Variants in RNF141 observed in about 807,000 individuals in gnomAD.
The protein encoded by RNF141 is C3HC4-like zinc finger protein.
RNF141 carries 18 observed loss-of-function variants against 27.4 expected under a neutral mutation model. That is an observed-to-expected ratio of 0.66 (90% confidence interval 0.45 to 0.97). RNF141 has a LOEUF of 0.97. RNF141 is among the 50% of genes least tolerant of loss of function. The probability of loss-of-function intolerance (pLI) is 0.00; values close to 1 mark genes in which losing one functional copy is unlikely to be tolerated. For missense variants in RNF141, 230 were observed against 279.4 expected (o/e 0.82, Z 1.26); for synonymous variants, 97 against 96.6 (o/e 1.00, Z -0.02).
intron 4 of RNF141, among the ~76,000 whole-genome samples, chr11:10,523,305 C>T (rs10743143): frequency 0.99 from 151,510 of 152,350 alleles, 75,340 homozygotes; most frequent in Middle Eastern, 1. Context: ...TAGAGCACAG[C>T]TGTACTGCCA....
chr11:10,520,060 G>A (rs1276499950), intron 4 of RNF141, among the ~76,000 whole-genome samples: 1 of 152,204 alleles, frequency 6.6e-6, no homozygotes, highest in African/African-American at 2.4e-5. Context: ...TGGGCTGCAT[G>A]CAGCCCGTGG....
rs1483906340 is a variant in RNF141 at position 10,513,140 on chromosome 11, C to G, written c.*1776G>C. The G allele has an allele frequency of 6.6e-6, 1 of 152,218 alleles. No homozygotes were observed. Among genetic ancestry groups the G allele is most frequent in the Non-Finnish European group, 1.5e-5 (1 of 68,040 alleles). The allele number at this position is 152,218 out of a possible 1,614,324, so 9.4% of individuals were successfully genotyped here. A position where few individuals can be genotyped will look rare whatever the true frequency, so the allele number is the denominator to read the frequency against. On this transcript the variant is annotated 3_prime_UTR_variant, in exon 6 of 6. Transcript: ENST00000265981. ...TTGATATGATGGAACCCCTGGTACT[C>G]TGCTTGCATAAACCTCCATAGGGAG...
At chr11:10,540,489 CTTA>C (rs1430535239) in intron 1 of RNF141, among the ~76,000 whole-genome samples, 2 of 152,164 alleles carry the variant, frequency 1.3e-5, no homozygotes, top group African/African-American at 4.8e-5. Context: ...TCACTACCTT[CTTA>C]TTATTAGCAA....
chr11:10,527,424 C>T, intron 3 of RNF141, among the ~76,000 whole-genome samples: 1 of 149,054 alleles, frequency 6.7e-6, no homozygotes, highest in East Asian at 1.9e-4. Context: ...GGGGGAAGAT[C>T]ATTCCAGGCT....
At chr11:10,526,600 G>A (rs1008173657) in intron 3 of RNF141, among the ~76,000 whole-genome samples, 34 of 151,928 alleles carry the variant, frequency 2.2e-4, no homozygotes, top group African/African-American at 7.5e-4. Context: ...TGGCTAACAC[G>A]GTGAAACCCC....
At chr11:10,515,866 C>T (rs1185822703) in intron 5 of RNF141, 1 of 152,084 alleles carries the variant, frequency 6.6e-6, no homozygotes, top group East Asian at 1.9e-4. Flanking sequence ...TTTACATGCA[C>T]AGTAATTTTT....
intron 2 of RNF141, among the ~76,000 whole-genome samples, chr11:10,530,968 C>A (rs1849980446): frequency 1.3e-5 from 2 of 152,074 alleles, no homozygotes; most frequent in African/African-American, 2.4e-5. Context: ...TTTTTAAAGT[C>A]AACAGCTTGG....
At chr11:10,528,694 C>T (rs1849960411) in intron 3 of RNF141, among the ~76,000 whole-genome samples, 1 of 152,088 alleles carries the variant, frequency 6.6e-6, no homozygotes, top group South Asian at 2.1e-4. Context: ...TGTCAATAAA[C>T]AAGGAAAGCT....
chr11:10,521,362 CAAT>C (rs1164108424), intron 4 of RNF141, among the ~76,000 whole-genome samples: 1 of 152,208 alleles, frequency 6.6e-6, no homozygotes, highest in Non-Finnish European at 1.5e-5. Flanking sequence ...CTTAGATTCT[CAAT>C]AAATGCTTCT....
intron 1 of RNF141, among the ~76,000 whole-genome samples, chr11:10,537,628 T>C (rs932741057): frequency 5.3e-5 from 8 of 152,140 alleles, no homozygotes; most frequent in African/African-American, 1.9e-4. Context: ...TATTTAGTAA[T>C]TTTTATACAT....
At chr11:10,519,878 G>A (rs1004502571) in intron 4 of RNF141, among the ~76,000 whole-genome samples, 5 of 152,178 alleles carry the variant, frequency 3.3e-5, no homozygotes, top group Admixed American at 2.0e-4. Context: ...GCCTAGGACA[G>A]GAGTGTACAA....
At chr11:10,524,370 G>A (rs1241478553) in intron 4 of RNF141, among the ~76,000 whole-genome samples, 1 of 151,998 alleles carries the variant, frequency 6.6e-6, no homozygotes, top group East Asian at 1.9e-4. Context: ...AGCCGAGATC[G>A]CGCCTGGGCG....
At chr11:10,537,185 G>A (rs1473610676) in intron 1 of RNF141, among the ~76,000 whole-genome samples, 1 of 152,174 alleles carries the variant, frequency 6.6e-6, no homozygotes, top group African/African-American at 2.4e-5. Flanking sequence ...AGTGGAAATG[G>A]CTGCTACATG....
rs1228441829 is a variant in RNF141, at chr11:10,534,135, C to G, written c.24G>C (p.Gln8His). 1 of 1,613,376 alleles carries G rather than the reference C, an allele frequency of 6.2e-7. No homozygotes were observed. Among genetic ancestry groups the G allele is most frequent in the East Asian group, 2.2e-5 (1 of 44,836 alleles). The change falls in exon 2 of 6, where the codon CAG (glutamine) becomes CAC (histidine). Residue 8 changes from glutamine to histidine, a missense_variant. Gln to His is a conservative substitution (Grantham distance 24). Transcript: ENST00000265981. Reference sequence around the variant, plus strand: ...GTAACTTGTTAATAACCAACTGTGTCTGATCCGAAATTTGCTGTCCCATGA... The same window carrying G: ...GTAACTTGTTAATAACCAACTGTGTGTGATCCGAAATTTGCTGTCCCATGA... MGQQISD[Q>H]TQLVINKLPE... is the part of the protein sequence containing the mutation.
At chr11:10,533,973 TACA>T in intron 2 of RNF141, 40 bp downstream of exon 2, 4 of 1,591,798 alleles carry the variant, frequency 2.5e-6, no homozygotes, top group Non-Finnish European at 3.4e-6. Context: ...GGGGCATACA[TACA>T]ACAAGGGGAA....
rs1564868749 is a variant in RNF141 at position 10,532,532 on chromosome 11, CACACA to C, written c.143+1479_143+1483del. 3.3e-3 allele frequency among the ~76,000 whole-genome samples: 434 copies of C among 131,178 alleles called. 2 individuals are homozygous for C. Among genetic ancestry groups the C allele is most frequent in the South Asian group, 0.013 (54 of 4,108 alleles). The allele number at this position is 131,178 out of a possible 152,430, so 86.1% of individuals were successfully genotyped here. ...ACACACACACACACACACACACACA[CACACA>C]CCCCACAACTATATACAGCTTTTTG... On this transcript the variant is annotated intron_variant, in intron 2 of 5. Coordinates refer to ENST00000265981, the MANE Select transcript of RNF141 (RefSeq NM_016422.4).
In RNF141 at chr11:10,513,252, CT is replaced by C. The variant is rs1252218568; in HGVS notation, c.*1663del. 6.6e-6 allele frequency: 1 copy of C among 152,222 alleles called. No individual in the cohort carries two copies. The highest frequency in any genetic ancestry group is 2.4e-5 in the African/African-American group (1 of 41,456). 9.4% of individuals were successfully genotyped at this position (152,222 alleles called of 1,614,324 possible). Reference sequence around the variant, plus strand: ...TTTTGGGGGCGAAATCAAGCTACCCCTGGCCAGATGTTTTTCCTTGAAATTG... The same window carrying C: ...TTTTGGGGGCGAAATCAAGCTACCCCGGCCAGATGTTTTTCCTTGAAATTG... On this transcript the variant is annotated 3_prime_UTR_variant, in exon 6 of 6. Coordinates refer to ENST00000265981, the MANE Select transcript of RNF141 (RefSeq NM_016422.4).
Position 10,512,224 on chromosome 11 carries a change from C to T in RNF141, c.*2692G>A, listed in dbSNP as rs1367783186. 2 of 152,232 alleles carry T rather than the reference C, an allele frequency of 1.3e-5. No homozygotes were observed. The highest frequency in any genetic ancestry group is 2.9e-5 in the Non-Finnish European group (2 of 67,966). 9.4% of individuals were successfully genotyped at this position (152,232 alleles called of 1,614,324 possible). On this transcript the variant is annotated 3_prime_UTR_variant, in exon 6 of 6. Transcript: ENST00000265981. ...AAAAAAGACAAAGCTGTACAGAATA[C>T]AAAAAGTGTACATTTCATCCATTAA...
In RNF141 at chr11:10,514,819, A is replaced by G; in HGVS notation, c.*97T>C. 8.5e-7 allele frequency: 1 copy of G among 1,177,990 alleles called. No individual in the cohort carries two copies. Among genetic ancestry groups the G allele is most frequent in the Non-Finnish European group, 1.2e-6 (1 of 865,558 alleles). The allele number at this position is 1,177,990 out of a possible 1,614,324, so 73.0% of individuals were successfully genotyped here. A position where few individuals can be genotyped will look rare whatever the true frequency, so the allele number is the denominator to read the frequency against. On this transcript the variant is annotated 3_prime_UTR_variant, in exon 6 of 6. Transcript: ENST00000265981. ...AAAAATAAAAGAGTGGGGAAAATGGATTTTCCTGTGTCTGTGCCAGTGCCA... is the reference window on the plus strand; with the variant it reads ...AAAAATAAAAGAGTGGGGAAAATGGGTTTTCCTGTGTCTGTGCCAGTGCCA...
Sources: allele counts gnomAD v4.1 joint callset (sites outside exome capture counted in the v4.1 genomes callset), GRCh38; gene constraint gnomAD v4.1.1; transcripts MANE v1.5; gene names NCBI Gene and HGNC (gene_info 2026-07-23, HGNC 2026-07-21).